The following TBX4 variants were observed in gnomAD, a reference collection of about 807,000 sequenced individuals.
The protein encoded by TBX4 is T-box transcription factor TBX4.
A neutral mutation model predicts 54.6 loss-of-function variants in TBX4; 13 were observed. That is an observed-to-expected ratio of 0.24 (90% CI 0.15 to 0.38). The LOEUF (loss-of-function observed/expected upper bound fraction) is 0.38. Among genes scored for constraint, TBX4 ranks in the 10% least tolerant of loss-of-function variants. The pLI, the probability that TBX4 is intolerant of heterozygous loss-of-function variation, is 1.00. For synonymous variants in TBX4, 314 were observed against 306.7 expected, an observed-to-expected ratio of 1.02 and a Z score of -0.25; for missense variants, 631 against 728.5, an observed-to-expected ratio of 0.87 and a Z score of 1.54.
In TBX4 at chr17:61,465,677, AG is replaced by A. The variant is rs1420530145; in HGVS notation, c.282-140del. ...GGGCAGAGGGGGAAGTGAGTTGTGC[AG>A]GTCACACAGCTGTGACCAATGCCAG... On this transcript the variant is annotated intron_variant, in intron 3 of 8. Coordinates refer to ENST00000644296, the MANE Select transcript of TBX4 (RefSeq NM_001321120.2). This position sits in a 1 kb window ranked among gnomAD's most constrained non-coding sequence, Gnocchi z 4.9. 6 of 1,066,692 alleles carry A rather than the reference AG, an allele frequency of 5.6e-6. No individual in the cohort carries two copies. Among genetic ancestry groups the A allele is most frequent in the Non-Finnish European group, 8.5e-6 (6 of 705,264 alleles). The allele number at this position is 1,066,692 out of a possible 1,614,324, so 66.1% of individuals were successfully genotyped here.
Position 61,460,817 on chromosome 17 carries a change from G to C in TBX4, c.281+3186G>C, listed in dbSNP as rs555915977. On this transcript the variant is annotated intron_variant, in intron 3 of 8. Coordinates refer to ENST00000644296, the MANE Select transcript of TBX4 (RefSeq NM_001321120.2). This position sits in a 1 kb window ranked among gnomAD's most constrained non-coding sequence, Gnocchi z 4.4. ...CTCCTAGGTCAGGGTTTTGCCACCA[G>C]ATAAATCTCCACTATCAGCCTTCAT... Among the ~76,000 whole-genome samples, 10 of 152,354 alleles carry C rather than the reference G, an allele frequency of 6.6e-5. No individual in the cohort carries two copies. Among genetic ancestry groups the C allele is most frequent in the African/African-American group, 2.2e-4 (9 of 41,558 alleles).
chr17:61,477,619 G>C (rs1199237922), intron 5 of TBX4, among the ~76,000 whole-genome samples: 1 of 152,314 alleles, frequency 6.6e-6, no homozygotes, highest in East Asian at 1.9e-4. Flanking sequence ...CCAGCACACC[G>C]TCAGCAGGCC....
Position 61,476,943 on chromosome 17 carries a change from A to G in TBX4, c.550-1684A>G, listed in dbSNP as rs1473360748. On this transcript the variant is annotated intron_variant, in intron 5 of 8. Transcript: ENST00000644296. The surrounding 1 kb of genome is among the most constrained non-coding windows in gnomAD (Gnocchi z 6.5). The stretch of plus-strand genomic sequence containing the variant: ...CACGATAAGAGCAGAGTCTTCCCAG[A>G]CTAAGACTTTGGCCAAGGTTTGCCA... Among the ~76,000 whole-genome samples the G allele has an allele frequency of 6.6e-6, 1 of 152,234 alleles. No homozygotes were observed. Among genetic ancestry groups the G allele is most frequent in the Non-Finnish European group, 1.5e-5 (1 of 68,048 alleles).
intron 8 of TBX4, chr17:61,482,037 G>C (rs1446195714): frequency 6.6e-6 from 1 of 152,354 alleles, no homozygotes; most frequent in Non-Finnish European, 1.5e-5. Context: ...AAAGTGCTGG[G>C]ATTACAGGTG....
At chr17:61,453,408 A>G (rs1010083925) in intron 1 of TBX4, among the ~76,000 whole-genome samples, 1 of 152,178 alleles carries the variant, frequency 6.6e-6, no homozygotes, top group African/African-American at 2.4e-5. Context: ...TAGTGATATA[A>G]TAATATAATG....
intron 3 of TBX4, among the ~76,000 whole-genome samples, chr17:61,458,725 C>G (rs766950681): frequency 1.3e-5 from 2 of 152,186 alleles, no homozygotes; most frequent in Admixed American, 6.5e-5. Context: ...ATGTAAAGCA[C>G]CAAGTTCCTG....
chr17:61,474,692 G>C lies in TBX4; in HGVS notation c.550-3935G>C, dbSNP rs1444434797. On this transcript the variant is annotated intron_variant, in intron 5 of 8. Transcript: ENST00000644296. This position sits in a 1 kb window ranked among gnomAD's most constrained non-coding sequence, Gnocchi z 4.6. ...GATGACGGAACCAGTCATGTAGTGG[G>C]GTTGTTGACGTGGCTGGCCCATTTG... Among the ~76,000 whole-genome samples the C allele has an allele frequency of 6.6e-6, 1 of 152,210 alleles. No homozygotes were observed. The highest frequency in any genetic ancestry group is 2.4e-5 in the African/African-American group (1 of 41,442).
At chr17:61,469,835 G>T (rs550699853) in intron 5 of TBX4, among the ~76,000 whole-genome samples, 1 of 152,324 alleles carries the variant, frequency 6.6e-6, no homozygotes, top group South Asian at 2.1e-4. Flanking sequence ...CCCATTGAAG[G>T]ATGAAGGAGT....
Position 61,465,661 on chromosome 17 carries a change from G to T in TBX4, c.282-158G>T. 1.1e-6 allele frequency: 1 copy of T among 915,292 alleles called. No individual in the cohort carries two copies. Among genetic ancestry groups the T allele is most frequent in the Non-Finnish European group, 1.7e-6 (1 of 575,976 alleles). 56.7% of individuals were successfully genotyped at this position (915,292 alleles called of 1,614,324 possible). A position where few individuals can be genotyped will look rare whatever the true frequency, so the allele number is the denominator to read the frequency against. On this transcript the variant is annotated intron_variant, in intron 3 of 8. Coordinates refer to ENST00000644296, the MANE Select transcript of TBX4 (RefSeq NM_001321120.2). The surrounding 1 kb of genome is among the most constrained non-coding windows in gnomAD (Gnocchi z 4.9). The stretch of plus-strand genomic sequence containing the variant: ...TTTCACTGTGCAGCTCGGGCAGAGG[G>T]GGAAGTGAGTTGTGCAGGTCACACA...
intron 4 of TBX4, among the ~76,000 whole-genome samples, chr17:61,466,242 A>G (rs181926343): frequency 3.2e-4 from 48 of 152,314 alleles, no homozygotes; most frequent in Non-Finnish European, 6.5e-4. Flanking sequence ...CTATGCTGTC[A>G]GGTGACAGAC....
intron 5 of TBX4, among the ~76,000 whole-genome samples, chr17:61,477,755 A>G (rs2060631331): frequency 6.6e-6 from 1 of 152,188 alleles, no homozygotes; most frequent in Admixed American, 6.5e-5. Flanking sequence ...AGCCTGACCA[A>G]CATGGTGAAA....
At position 61,480,348 on chromosome 17, in the gene TBX4, G is replaced by C; in HGVS notation, c.1021+29G>C. The stretch of plus-strand genomic sequence containing the variant: ...GGGCTCTCCTGGTCTAGAAGCCCTA[G>C]AGGGTAAGAGGAGCGGTGAGGTTCT... On this transcript the variant is annotated intron_variant, in intron 8 of 8. Coordinates refer to ENST00000644296, the MANE Select transcript of TBX4 (RefSeq NM_001321120.2). The surrounding 1 kb of genome is among the most constrained non-coding windows in gnomAD (Gnocchi z 6.2). 2 of 1,582,092 alleles carry C rather than the reference G, an allele frequency of 1.3e-6. No homozygotes were observed. Among genetic ancestry groups the C allele is most frequent in the Non-Finnish European group, 1.7e-6 (2 of 1,159,914 alleles).
At position 61,484,453 on chromosome 17, in the gene TBX4, C is replaced by T; in HGVS notation, c.*937C>T. On this transcript the variant is annotated 3_prime_UTR_variant, in exon 9 of 9. Transcript: ENST00000644296. This position sits in a 1 kb window ranked among gnomAD's most constrained non-coding sequence, Gnocchi z 4.1. ...TCATCCCCAGGAGGCCACACTGGAG[C>T]TGATGTCTGGCATCTCCAGGGCCTG... The T allele has an allele frequency of 6.6e-6, 1 of 152,154 alleles. No homozygotes were observed. The highest frequency in any genetic ancestry group is 1.9e-4 in the East Asian group (1 of 5,188). 9.4% of individuals were successfully genotyped at this position (152,154 alleles called of 1,614,324 possible).
rs2060456106 is a variant in TBX4, at chr17:61,457,028, A to G, written c.186+352A>G. Among the ~76,000 whole-genome samples, 1 of 152,172 alleles carries G rather than the reference A, an allele frequency of 6.6e-6. No homozygotes were observed. Among genetic ancestry groups the G allele is most frequent in the Non-Finnish European group, 1.5e-5 (1 of 68,016 alleles). On this transcript the variant is annotated intron_variant, in intron 2 of 8. Coordinates refer to ENST00000644296, the MANE Select transcript of TBX4 (RefSeq NM_001321120.2). The surrounding 1 kb of genome is among the most constrained non-coding windows in gnomAD (Gnocchi z 8.2). ...GCCTGGGACCCAACGGCGAGGGGGC[A>G]GGAGGAGGCCACCCCGCCGGTGCGC...
chr17:61,458,324 T>C (rs1423391168), intron 3 of TBX4, among the ~76,000 whole-genome samples: 2 of 65,062 alleles, frequency 3.1e-5, no homozygotes, highest in African/African-American at 6.2e-5. Context: ...AGAGATTCGC[T>C]GGGGCTGGTG....
chr17:61,463,981 G>A (rs139048040), intron 3 of TBX4, among the ~76,000 whole-genome samples: 3 of 152,324 alleles, frequency 2.0e-5, no homozygotes, highest in South Asian at 2.1e-4. Context: ...GGCCCCATAG[G>A]GGGGCTGGTA....
chr17:61,457,638 G>C lies in TBX4; in HGVS notation c.281+7G>C, dbSNP rs376627101. ...TCATCACTAAGGCTGGCAGGTCAGC[G>C]CTGGGAGATTTACTTCCGGGGATGG... On this transcript the variant is annotated splice_region_variant and intron_variant, in intron 3 of 8. Transcript: ENST00000644296. This position sits in a 1 kb window ranked among gnomAD's most constrained non-coding sequence, Gnocchi z 8.2. 2.5e-6 allele frequency: 4 copies of C among 1,613,618 alleles called. No homozygotes were observed. The highest frequency in any genetic ancestry group is 3.4e-6 in the Non-Finnish European group (4 of 1,179,750).
chr17:61,457,745 C>A lies in TBX4; in HGVS notation c.281+114C>A. 1 of 990,766 alleles carries A rather than the reference C, an allele frequency of 1.0e-6. No homozygotes were observed. The highest frequency in any genetic ancestry group is 1.5e-5 in the South Asian group (1 of 68,420). 61.4% of individuals were successfully genotyped at this position (990,766 alleles called of 1,614,324 possible). On this transcript the variant is annotated intron_variant, in intron 3 of 8. Coordinates refer to ENST00000644296, the MANE Select transcript of TBX4 (RefSeq NM_001321120.2). This position sits in a 1 kb window ranked among gnomAD's most constrained non-coding sequence, Gnocchi z 8.2. Reference sequence around the variant, plus strand: ...TGGTGGCCTGTGGGAGGCCTCTCTGCCTCCTCGGGCGTCAGTGCCACCTCC... The same window carrying A: ...TGGTGGCCTGTGGGAGGCCTCTCTGACTCCTCGGGCGTCAGTGCCACCTCC...
rs1174224855 is a variant in TBX4 at position 61,476,446 on chromosome 17, C to G, written c.550-2181C>G. Among the ~76,000 whole-genome samples, 1 of 152,216 alleles carries G rather than the reference C, an allele frequency of 6.6e-6. No individual in the cohort carries two copies. Among genetic ancestry groups the G allele is most frequent in the Non-Finnish European group, 1.5e-5 (1 of 68,034 alleles). On this transcript the variant is annotated intron_variant, in intron 5 of 8. Coordinates refer to ENST00000644296, the MANE Select transcript of TBX4 (RefSeq NM_001321120.2). The surrounding 1 kb of genome is among the most constrained non-coding windows in gnomAD (Gnocchi z 6.5). ...CCCAGGTATTCCATTGCTGGATCTT[C>G]CGGGAACGTGGGTCCTTTGTGGATG...
Sources: gnomAD v4.1 joint callset for allele counts (sites outside exome capture counted in the v4.1 genomes callset) on GRCh38, gnomAD v4.1.1 for gene constraint, Gnocchi (gnomAD v3.1) non-coding constraint, MANE v1.5 for transcripts, NCBI Gene and HGNC (gene_info 2026-07-23, HGNC 2026-07-21) for gene names.